The following MYO5A variants were observed in gnomAD, a reference collection of about 807,000 sequenced individuals.
The protein encoded by MYO5A is myosin VA, also known as unconventional myosin-Va.
Under a neutral mutation model 249.7 loss-of-function variants are expected in MYO5A, and 98 were observed. The observed-to-expected ratio is 0.39, with a 90% CI of 0.33 to 0.46. MYO5A has a LOEUF of 0.46. MYO5A is among the 20% of genes least tolerant of loss of function. The pLI is 0.98. For synonymous variants in MYO5A, 778 were observed against 810.6 expected (o/e 0.96, Z 0.68); for missense variants, 1,696 against 2,308.8 (o/e 0.73, Z 5.44).
At chr15:52,459,238 T>C (rs1028968505) in intron 1 of MYO5A, among the ~76,000 whole-genome samples, 3 of 143,674 alleles carry the variant, frequency 2.1e-5, no homozygotes, top group African/African-American at 7.7e-5. Flanking sequence ...CATAGGACAA[T>C]AGTGGTGGGA....
intron 9 of MYO5A, 127 bp downstream of exon 9, chr15:52,405,160 A>G: frequency 1.3e-6 from 1 of 758,068 alleles, no homozygotes; most frequent in South Asian, 1.5e-5. Context: ...TGGATAACAT[A>G]TGTCTTTGAT....
chr15:52,372,559 T>C (rs952935375), intron 20 of MYO5A, among the ~76,000 whole-genome samples, 196 bp from the exon 21 acceptor site: 2 of 152,206 alleles, frequency 1.3e-5, no homozygotes, highest in African/African-American at 2.4e-5. Context: ...ATTTGAAAAG[T>C]AGACTTTAGA....
chr15:52,360,778 G>A (rs1336319205), intron 24 of MYO5A, among the ~76,000 whole-genome samples: 2 of 152,120 alleles, frequency 1.3e-5, no homozygotes, highest in Non-Finnish European at 1.5e-5. Context: ...GTTTAGCAAC[G>A]ACACACCCTT....
At chr15:52,327,703 C>G in intron 36 of MYO5A, 149 bp downstream of exon 36, 1 of 839,586 alleles carries the variant, frequency 1.2e-6, no homozygotes, top group East Asian at 2.6e-5. Flanking sequence ...CAGCAAAACC[C>G]TGTCTCAAAA....
At chr15:52,463,937 C>A (rs539425768) in intron 1 of MYO5A, among the ~76,000 whole-genome samples, 1 of 152,268 alleles carries the variant, frequency 6.6e-6, no homozygotes, top group Admixed American at 6.5e-5. Flanking sequence ...CCCTTACTTA[C>A]AAAATAAACC....
chr15:52,361,018 C>A (rs886114066), intron 24 of MYO5A, among the ~76,000 whole-genome samples: 1 of 152,178 alleles, frequency 6.6e-6, no homozygotes, highest in African/African-American at 2.4e-5. Flanking sequence ...CAAAGAGCTT[C>A]TTTGTCTCTT....
At chr15:52,350,124 G>C (rs893775712) in intron 28 of MYO5A, among the ~76,000 whole-genome samples, 1 of 152,138 alleles carries the variant, frequency 6.6e-6, no homozygotes, top group African/African-American at 2.4e-5. Flanking sequence ...AGTAGAGATG[G>C]GGTTTCACTG....
chr15:52,415,650 A>G (rs577033892), intron 5 of MYO5A, among the ~76,000 whole-genome samples: 1 of 152,376 alleles, frequency 6.6e-6, no homozygotes, highest in Non-Finnish European at 1.5e-5. Flanking sequence ...CTTTAGCTAT[A>G]TTAAAATTTA....
At chr15:52,446,572 A>T (rs534988301) in intron 1 of MYO5A, among the ~76,000 whole-genome samples, 3 of 152,252 alleles carry the variant, frequency 2.0e-5, no homozygotes, top group African/African-American at 7.2e-5. Context: ...TGCCTAGTGG[A>T]GCTGTGAGAA....
intron 14 of MYO5A, among the ~76,000 whole-genome samples, chr15:52,386,603 A>C (rs1271194100): frequency 6.6e-6 from 1 of 151,568 alleles, no homozygotes; most frequent in Non-Finnish European, 1.5e-5. Context: ...GCTGGAGTAC[A>C]GTGGCACAAT....
chr15:52,473,099 A>G (rs1316378249), intron 1 of MYO5A, among the ~76,000 whole-genome samples: 2 of 152,108 alleles, frequency 1.3e-5, no homozygotes, highest in African/African-American at 4.8e-5. Flanking sequence ...CTGGTGTGAG[A>G]TGGTATCTCA....
At chr15:52,406,769 G>GA (rs1457056297) in intron 8 of MYO5A, among the ~76,000 whole-genome samples, 4 of 151,524 alleles carry the variant, frequency 2.6e-5, no homozygotes, top group South Asian at 2.1e-4. Flanking sequence ...TGTTGGAACA[G>GA]AAAAAAAATG....
chr15:52,371,959 T>C (rs1462291546), intron 21 of MYO5A, among the ~76,000 whole-genome samples, 165 bp downstream of exon 21: 1 of 151,548 alleles, frequency 6.6e-6, no homozygotes, highest in Admixed American at 6.6e-5. Context: ...TGATCCACCT[T>C]ATGAGTTCAT....
At position 52,433,278 on chromosome 15, in the gene MYO5A, C is replaced by T; in HGVS notation, c.35G>A (p.Arg12Lys). The change falls in exon 2 of 42, where the codon AGG becomes AAG. Residue 12 changes from arginine (R) to lysine (K), a missense_variant. By Grantham distance (26) the Arg-to-Lys change is conservative. This residue lies in a region of MYO5A where 197 missense variants were observed against 320.3 expected (regional missense o/e 0.62). Transcript: ENST00000399233. Reference protein sequence around the residue: ...AASELYTKFARVWIPDPEEVW... With the variant: ...AASELYTKFAKVWIPDPEEVW... ...TTCCTCTGGATCAGGTATCCAAACC[C>T]TGGCAAACTAGAAGACAAAAAGAAA... is the stretch of plus-strand genomic sequence containing the variant. 1 of 1,611,948 alleles carries T rather than the reference C, an allele frequency of 6.2e-7. No individual in the cohort carries two copies. The highest frequency in any genetic ancestry group is 8.5e-7 in the Non-Finnish European group (1 of 1,178,354).
intron 22 of MYO5A, among the ~76,000 whole-genome samples, chr15:52,368,473 T>C (rs1467193634): frequency 6.6e-6 from 1 of 152,194 alleles, no homozygotes; most frequent in Non-Finnish European, 1.5e-5. Context: ...TGATAAATGC[T>C]CTTGGTTAGG....
At chr15:52,350,848 G>A (rs1596327860) in intron 28 of MYO5A, among the ~76,000 whole-genome samples, 2 of 152,136 alleles carry the variant, frequency 1.3e-5, no homozygotes, top group South Asian at 4.2e-4. Context: ...ACTTCTAACC[G>A]GTTCATCTGT....
intron 1 of MYO5A, among the ~76,000 whole-genome samples, chr15:52,527,476 A>G (rs1312431638): frequency 2.0e-5 from 3 of 152,228 alleles, no homozygotes; most frequent in Non-Finnish European, 2.9e-5. Flanking sequence ...GTCTCAGACA[A>G]TGTTTCATGC....
intron 1 of MYO5A, among the ~76,000 whole-genome samples, chr15:52,527,872 T>G (rs1693511): frequency 0.12 from 18,432 of 152,280 alleles, 1,367 homozygotes; most frequent in South Asian, 0.17. Flanking sequence ...TAACTGCATG[T>G]AGAAGTAATC....
intron 1 of MYO5A, among the ~76,000 whole-genome samples, chr15:52,471,656 C>G (rs1483930662): frequency 6.6e-6 from 1 of 150,698 alleles, no homozygotes; most frequent in Non-Finnish European, 1.5e-5. Flanking sequence ...AAAGCAACTT[C>G]TTTCAGGCAG....
Sources: gnomAD v4.1 joint callset for allele counts (sites outside exome capture counted in the v4.1 genomes callset) on GRCh38, gnomAD v4.1.1 for gene constraint, gnomAD v4.1.1 regional missense constraint, MANE v1.5 for transcripts, NCBI Gene and HGNC (gene_info 2026-07-23, HGNC 2026-07-21) for gene names.